The following DEF8 variants were observed in gnomAD, a reference collection of about 807,000 sequenced individuals.
The protein encoded by DEF8 is DEF-8.
In DEF8, 38 loss-of-function variants were observed where a neutral mutation model predicts 59.1. The ratio of observed to expected loss-of-function variants is 0.64; its 90% CI spans 0.50 to 0.84. DEF8 has a LOEUF of 0.84. Among genes scored for constraint, DEF8 ranks in the 40% least tolerant of loss-of-function variants. The pLI is 0.00. For synonymous variants in DEF8, 265 were observed against 250.1 expected, an observed-to-expected ratio of 1.06 and a Z score of -0.56; for missense variants, 557 against 615.2, an observed-to-expected ratio of 0.91 and a Z score of 1.00.
chr16:89,967,191 T>TC lies in DEF8; in HGVS notation c.*1233dup. 2.5e-6 allele frequency: 1 copy of TC among 398,138 alleles called. No homozygotes were observed. Among genetic ancestry groups the TC allele is most frequent in the Non-Finnish European group, 4.4e-6 (1 of 226,098 alleles). The allele number at this position is 398,138 out of a possible 1,614,324, so 24.7% of individuals were successfully genotyped here. On this transcript the variant is annotated 3_prime_UTR_variant, in exon 13 of 13. Transcript: ENST00000563594. ...GTGGGGGTGCTCCTGTCTGTCCTTT[T>TC]CCCCCACACCCTGGACTGTGCTTGG...
intron 6 of DEF8, among the ~76,000 whole-genome samples, chr16:89,959,639 T>C (rs1264051286): frequency 6.6e-6 from 1 of 152,134 alleles, no homozygotes; most frequent in Admixed American, 6.5e-5. Context: ...GGACTACAGG[T>C]GCCCGCCACC....
rs2034403212 is a variant in DEF8 at position 89,964,291 on chromosome 16, A to G, written c.1124A>G (p.His375Arg). ...LTEIHTLFAK[H>R]IKLDCERCQA... ...GAGATCCACACGCTCTTCGCCAAGC[A>G]CATCAAGCTGGACTGCGAGGTGGGC... The change falls in exon 11 of 13, where the codon CAC (histidine) becomes CGC (arginine). Residue 375 changes from histidine to arginine, a missense_variant. Physicochemically the swap from His to Arg is conservative, Grantham distance 29. Transcript: ENST00000563594. 1.3e-6 allele frequency: 2 copies of G among 1,597,030 alleles called. No individual in the cohort carries two copies. Among genetic ancestry groups the G allele is most frequent in the Non-Finnish European group, 1.7e-6 (2 of 1,171,510 alleles).
intron 12 of DEF8, among the ~76,000 whole-genome samples, chr16:89,964,847 A>C (rs994011035): frequency 6.6e-6 from 1 of 151,998 alleles, no homozygotes; most frequent in African/African-American, 2.4e-5. Context: ...AGCCCCTGAA[A>C]CTCCAGCTTG....
intron 1 of DEF8, 94 bp downstream of exon 1, chr16:89,948,908 GGAGGGACGGGGCCGGCGGGGA>G (rs2031257884): frequency 1.8e-5 from 1 of 54,808 alleles, no homozygotes; most frequent in Non-Finnish European, 3.1e-5. Flanking sequence ...GTCGGGGCTG[GGAGGGACGGGGCCGGCGGGGA>G]CGGGGTCGGC....
Position 89,955,188 on chromosome 16 carries a change from C to A in DEF8, c.144C>A (p.Pro48=), listed in dbSNP as rs1340861940. 1.4e-5 allele frequency: 22 copies of A among 1,613,492 alleles called. No individual in the cohort carries two copies. The highest frequency in any genetic ancestry group is 1.8e-5 in the Non-Finnish European group (21 of 1,179,954). ...VTPEEALPEL[P]PGEPEFRCPE... is the part of the protein sequence containing the mutation. ...CTCCAGAGGCCCTGCCTGAGCTGCCCCCTGGGGAGCCGGAATTCCGCTGCC... is the reference window on the plus strand; with the variant it reads ...CTCCAGAGGCCCTGCCTGAGCTGCCACCTGGGGAGCCGGAATTCCGCTGCC... The change falls in exon 4 of 13, where the codon CCC becomes CCA. Residue 48 remains proline (P), a synonymous_variant. Transcript: ENST00000563594.
chr16:89,967,073 T>A lies in DEF8; in HGVS notation c.*1110T>A, dbSNP rs1034913399. ...AGCTCTGGGTGAGGGGACACTTGGC[T>A]TTGGTGTTTGCACTTTACAGATCCT... is the stretch of plus-strand genomic sequence containing the variant. On this transcript the variant is annotated 3_prime_UTR_variant, in exon 13 of 13. Transcript: ENST00000563594. 2.6e-6 allele frequency: 1 copy of A among 387,206 alleles called. No individual in the cohort carries two copies. The highest frequency in any genetic ancestry group is 2.1e-5 in the African/African-American group (1 of 48,398). 24.0% of individuals were successfully genotyped at this position (387,206 alleles called of 1,614,324 possible).
rs746028627 is a variant in DEF8, at chr16:89,954,335, A to C, written c.83A>C (p.Glu28Ala). Residue 28 changes from glutamate to alanine, a missense_variant, in exon 3 of 13, where the codon GAG becomes GCG. By Grantham distance (107) the Glu-to-Ala change is moderately radical. Coordinates refer to ENST00000563594, the MANE Select transcript of DEF8 (RefSeq NM_001242818.2). The surrounding 1 kb of genome is among the most constrained non-coding windows in gnomAD (Gnocchi z 4.3). The part of the protein sequence containing the change: ...FNKQSGPRQH[E>A]QGPGEEVPDV... Reference sequence around the variant, plus strand: ...AAGCAGTCTGGGCCGAGACAGCATGAGCAGGGCCCTGGGGAGGAGGTCCCG... The same window carrying C: ...AAGCAGTCTGGGCCGAGACAGCATGCGCAGGGCCCTGGGGAGGAGGTCCCG... 5 of 1,613,650 alleles carry C rather than the reference A, an allele frequency of 3.1e-6. No homozygotes were observed. The highest frequency in any genetic ancestry group is 1.1e-5 in the South Asian group (1 of 91,068).
intron 12 of DEF8, among the ~76,000 whole-genome samples, chr16:89,964,942 G>T (rs1231855976): frequency 1.3e-5 from 2 of 152,172 alleles, no homozygotes; most frequent in Non-Finnish European, 1.5e-5. Flanking sequence ...ATAGGCTAGA[G>T]ATTCCCAAAC....
At chr16:89,949,661 G>A (rs1369340449) in intron 2 of DEF8, 148 bp downstream of exon 2, 3 of 1,593,568 alleles carry the variant, frequency 1.9e-6, no homozygotes, top group Non-Finnish European at 1.7e-6. Context: ...CGCGTGTCCT[G>A]AGCTTCGGCC....
rs2151232771 is a variant in DEF8, at chr16:89,967,148, AGCCTTCT to A, written c.*1191_*1197del. The A allele has an allele frequency of 2.5e-6, 1 of 397,378 alleles. No individual in the cohort carries two copies. The highest frequency in any genetic ancestry group is 3.6e-5 in the East Asian group (1 of 28,030). 24.6% of individuals were successfully genotyped at this position (397,378 alleles called of 1,614,324 possible). A position where few individuals can be genotyped will look rare whatever the true frequency, so the allele number is the denominator to read the frequency against. ...AGGACGTGTCAGGACGTGGCTTCCC[AGCCTTCT>A]GCCTTGGGCAGTGGGGGTGCTCCTG... On this transcript the variant is annotated 3_prime_UTR_variant, in exon 13 of 13. Coordinates refer to ENST00000563594, the MANE Select transcript of DEF8 (RefSeq NM_001242818.2).
rs770231266 is a variant in DEF8, at chr16:89,964,612, G to T, written c.1253+37G>T. 1.2e-5 allele frequency: 18 copies of T among 1,489,626 alleles called. No homozygotes were observed. In the South Asian group the frequency reaches 1.8e-4, roughly 15 times the overall value. The allele number at this position is 1,489,626 out of a possible 1,614,324, so 92.3% of individuals were successfully genotyped here. On this transcript the variant is annotated intron_variant, in intron 12 of 12. Transcript: ENST00000563594. ...CTGGGCCCCGCACTCGGGGGCTGGG[G>T]CTCTGCGCTGTCCTCTGGGGAGCTG...
At chr16:89,949,194 G>A (rs1470113981) in intron 1 of DEF8, among the ~76,000 whole-genome samples, 2 of 151,700 alleles carry the variant, frequency 1.3e-5, no homozygotes, top group East Asian at 2.0e-4. Flanking sequence ...CGGGGACGCC[G>A]CCGCTGCTCC....
In DEF8 at chr16:89,964,564, G is replaced by A. The variant is rs576484982; in HGVS notation, c.1242G>A (p.Ala414=). 77 of 1,569,916 alleles carry A rather than the reference G, an allele frequency of 4.9e-5. No homozygotes were observed. The highest frequency in any genetic ancestry group is 6.4e-5 in the Non-Finnish European group (74 of 1,159,344). Residue 414 remains alanine, a synonymous_variant, in exon 12 of 13, where the codon GCG becomes GCA. Transcript: ENST00000563594. ...CGTCTGTGTGCGCCGACTGCTCCGC[G>A]GTCTTCCACAGGTGGGTGTGGCCTG... ...SHTSVCADCS[A]VFHRDCYYDN...
rs546994618 is a variant in DEF8, at chr16:89,967,355, C to A, written c.*1392C>A. The A allele has an allele frequency of 1.3e-5, 5 of 398,654 alleles. No homozygotes were observed. The highest frequency in any genetic ancestry group is 1.3e-3 in the Middle Eastern group (2 of 1,588). The allele number at this position is 398,654 out of a possible 1,614,324, so 24.7% of individuals were successfully genotyped here. A position where few individuals can be genotyped will look rare whatever the true frequency, so the allele number is the denominator to read the frequency against. ...GGCCACCTGGCTCACTGGCTCATTC[C>A]AGGAGTGGGAGAGACGGCAGGGTCT... is the stretch of plus-strand genomic sequence containing the variant. On this transcript the variant is annotated 3_prime_UTR_variant, in exon 13 of 13. Coordinates refer to ENST00000563594, the MANE Select transcript of DEF8 (RefSeq NM_001242818.2).
chr16:89,963,497 G>A (rs2034293472), intron 10 of DEF8, 54 bp downstream of exon 10: 1 of 1,512,976 alleles, frequency 6.6e-7, no homozygotes, highest in African/African-American at 1.4e-5. Context: ...AGGGTGGTGA[G>A]GCACCTCAGG....
chr16:89,957,920 ATG>A, intron 5 of DEF8: 1 of 325,796 alleles, frequency 3.1e-6, no homozygotes, highest in Non-Finnish European at 5.6e-6. Context: ...AAAAAGAAAA[ATG>A]TATTTGCTTG....
chr16:89,963,522 G>A lies in DEF8; in HGVS notation c.1002+79G>A, dbSNP rs9927077. ...GGCACCTCAGGCTCAGGTTTTTTCCGGACAGCTTGTGCGTGGAGTGCCTTT... is the reference window on the plus strand; with the variant it reads ...GGCACCTCAGGCTCAGGTTTTTTCCAGACAGCTTGTGCGTGGAGTGCCTTT... On this transcript the variant is annotated intron_variant, in intron 10 of 12. Coordinates refer to ENST00000563594, the MANE Select transcript of DEF8 (RefSeq NM_001242818.2). The A allele has an allele frequency of 9.5e-3, 12,231 of 1,287,412 alleles. 916 individuals are homozygous for A. The African/African-American group carries it at 0.16, about 17-fold the overall frequency. The allele number at this position is 1,287,412 out of a possible 1,614,324, so 79.7% of individuals were successfully genotyped here.
rs572269960 is a variant in DEF8 at position 89,962,185 on chromosome 16, C to T, written c.921+60C>T. On this transcript the variant is annotated intron_variant, in intron 9 of 12. Coordinates refer to ENST00000563594, the MANE Select transcript of DEF8 (RefSeq NM_001242818.2). ...CGCTGTGTCAGGTGGGCCCTAGGGC[C>T]GGGCCAGTACCCTCTTCTCCTCTGG... 2,121 of 1,439,408 alleles carry T rather than the reference C, an allele frequency of 1.5e-3. 5 individuals are homozygous for T. The highest frequency in any genetic ancestry group is 1.8e-3 in the Non-Finnish European group (1,855 of 1,038,972). 89.2% of individuals were successfully genotyped at this position (1,439,408 alleles called of 1,614,324 possible). A position where few individuals can be genotyped will look rare whatever the true frequency, so the allele number is the denominator to read the frequency against.
chr16:89,963,279 G>A lies in DEF8; in HGVS notation c.922-84G>A. 3.3e-6 allele frequency: 4 copies of A among 1,212,142 alleles called. 1 individual carries two copies. 75.1% of individuals were successfully genotyped at this position (1,212,142 alleles called of 1,614,324 possible). On this transcript the variant is annotated intron_variant, in intron 9 of 12. Coordinates refer to ENST00000563594, the MANE Select transcript of DEF8 (RefSeq NM_001242818.2). ...TGGGGAACCAACCCCTCCTGGCCCTGCCGTGGCCCCGGGTGTGCGGCCCAC... is the reference window on the plus strand; with the variant it reads ...TGGGGAACCAACCCCTCCTGGCCCTACCGTGGCCCCGGGTGTGCGGCCCAC...
Sources: allele counts gnomAD v4.1 joint callset (sites outside exome capture counted in the v4.1 genomes callset), GRCh38; gene constraint gnomAD v4.1.1; non-coding constraint Gnocchi (gnomAD v3.1); transcripts MANE v1.5; gene names NCBI Gene and HGNC (gene_info 2026-07-23, HGNC 2026-07-21).